The following FAM184A variants were observed in gnomAD, a reference collection of about 807,000 sequenced individuals.
The protein encoded by FAM184A is family with sequence similarity 184 member A, also known as protein FAM184A.
In FAM184A, 99 loss-of-function variants were observed where a neutral mutation model predicts 143.8. That is an observed-to-expected ratio of 0.69 (90% CI 0.58 to 0.81). The LOEUF (loss-of-function observed/expected upper bound fraction) is 0.81, where lower values mean the gene tolerates loss of function less well. FAM184A is among the 40% of genes least tolerant of loss of function. FAM184A has a pLI of 0.00. For synonymous variants in FAM184A, 427 were observed against 446.4 expected (o/e 0.96, Z 0.55); for missense variants, 1,217 against 1,310.5 (o/e 0.93, Z 1.10).
chr6:118,972,802 G>A (rs962617489), intron 14 of FAM184A, among the ~76,000 whole-genome samples: 6 of 152,112 alleles, frequency 3.9e-5, no homozygotes, highest in African/African-American at 1.4e-4. Context: ...AGCATGAAGT[G>A]GGGGATGCCA....
chr6:119,094,033 T>C (rs1788442204), intron 1 of FAM184A, among the ~76,000 whole-genome samples: 1 of 115,486 alleles, frequency 8.7e-6, no homozygotes, highest in Non-Finnish European at 1.8e-5. Flanking sequence ...CCTTCTTTCC[T>C]TTCTTCCTTC....
At chr6:119,084,733 C>T (rs1219945505) in intron 1 of FAM184A, among the ~76,000 whole-genome samples, 1 of 152,254 alleles carries the variant, frequency 6.6e-6, no homozygotes, top group South Asian at 2.1e-4. Context: ...GGCTCTGCCT[C>T]TGCAGCAGGC....
chr6:118,981,744 TATCA>T (rs1784032021), intron 9 of FAM184A, among the ~76,000 whole-genome samples: 1 of 152,180 alleles, frequency 6.6e-6, no homozygotes, highest in South Asian at 2.1e-4. Context: ...TGGACAAAGT[TATCA>T]ATCAGAGTTA....
intron 6 of FAM184A, among the ~76,000 whole-genome samples, chr6:119,010,177 A>T (rs1184035944): frequency 1.3e-5 from 2 of 152,194 alleles, no homozygotes; most frequent in African/African-American, 4.8e-5. Flanking sequence ...GTTTTTCTAT[A>T]CTTCTTCTAC....
At chr6:119,138,035 A>G (rs887654424) in intron 1 of FAM184A, among the ~76,000 whole-genome samples, 1 of 152,228 alleles carries the variant, frequency 6.6e-6, no homozygotes, top group Admixed American at 6.5e-5. Flanking sequence ...GGAAATCACT[A>G]ACTTTCAGTA....
intron 1 of FAM184A, among the ~76,000 whole-genome samples, chr6:119,053,340 C>A (rs998625859): frequency 6.6e-6 from 1 of 152,158 alleles, no homozygotes; most frequent in East Asian, 1.9e-4. Context: ...CACATACCCC[C>A]CAGACAGTGA....
At chr6:119,068,474 T>C (rs79196859) in intron 1 of FAM184A, among the ~76,000 whole-genome samples, 1 of 152,366 alleles carries the variant, frequency 6.6e-6, no homozygotes, top group East Asian at 1.9e-4. Context: ...ATAATAATTC[T>C]ATGAAGTACG....
intron 16 of FAM184A, 162 bp from the exon 17 acceptor site, chr6:118,962,125 C>T (rs1783347442): frequency 3.1e-6 from 2 of 641,572 alleles, no homozygotes; most frequent in South Asian, 1.9e-5. Context: ...TCTGGGAATC[C>T]TTGGAGGTAT....
chr6:119,034,139 T>C (rs1786020604), intron 1 of FAM184A, among the ~76,000 whole-genome samples: 1 of 126,620 alleles, frequency 7.9e-6, no homozygotes, highest in Non-Finnish European at 1.6e-5. Flanking sequence ...AAAGAAAAAA[T>C]ATTAAAATGA....
chr6:119,023,930 A>ATG (rs1785540876), intron 2 of FAM184A, 29 bp downstream of exon 2: 1 of 1,510,720 alleles, frequency 6.6e-7, no homozygotes, highest in Non-Finnish European at 8.8e-7. Context: ...AAAAAAATCC[A>ATG]TGTGTTGAAT....
intron 1 of FAM184A, among the ~76,000 whole-genome samples, chr6:119,030,969 C>T (rs978136533): frequency 3.3e-5 from 5 of 151,988 alleles, no homozygotes; most frequent in Non-Finnish European, 5.9e-5. Flanking sequence ...AATTTAACTA[C>T]GTATTTAATG....
Position 119,091,626 on chromosome 6 carries a change from T to C in FAM184A, c.-202+57452A>G, listed in dbSNP as rs947843043. On this transcript the variant is annotated intron_variant, in intron 1 of 16. Coordinates refer to the FAM184A transcript ENST00000352896. ...AGTAAATGAAGCATTCTGTAAGCTG[T>C]CAGATAATAATCCTAGAAGCTACAC... 2.6e-5 allele frequency among the ~76,000 whole-genome samples: 4 copies of C among 152,164 alleles called. No homozygotes were observed. In the South Asian group the frequency reaches 6.2e-4, roughly 24 times the overall value.
At position 119,073,544 on chromosome 6, in the gene FAM184A, C is replaced by T. The variant is rs1007565248; in HGVS notation, c.159+4597G>A. On this transcript the variant is annotated intron_variant, in intron 1 of 17. Transcript: ENST00000338891. ...GAGATGTGTTACTTTCCACCCCCAC[C>T]ACTAGTGAGGTGGTGCTTCAAGAAG... is the stretch of plus-strand genomic sequence containing the variant. 3.7e-4 allele frequency among the ~76,000 whole-genome samples: 57 copies of T among 152,138 alleles called. 1 individual carries two copies.
chr6:118,980,198 T>C lies in FAM184A; in HGVS notation c.2241A>G (p.Leu747=), dbSNP rs1478016941. Reference sequence around the variant, plus strand: ...GAAATGCAAGGACATGTGCTTCTTTTAATGATTTGTGTCTTTGCTGATGTT... The same window carrying C: ...GAAATGCAAGGACATGTGCTTCTTTCAATGATTTGTGTCTTTGCTGATGTT... The part of the protein sequence containing the change: ...EEQHQQRHKS[L]KEAHVLAFQT... The change falls in exon 10 of 18, where the codon TTA becomes TTG. Residue 747 remains leucine, a synonymous_variant. Coordinates refer to ENST00000338891, the MANE Select transcript of FAM184A (RefSeq NM_024581.6). 1 of 1,614,220 alleles carries C rather than the reference T, an allele frequency of 6.2e-7. No individual in the cohort carries two copies. The highest frequency in any genetic ancestry group is 1.1e-5 in the South Asian group (1 of 91,086).
chr6:119,000,379 G>A (rs1784711840), intron 9 of FAM184A, among the ~76,000 whole-genome samples: 1 of 152,158 alleles, frequency 6.6e-6, no homozygotes, highest in Non-Finnish European at 1.5e-5. Flanking sequence ...GGACTAAAGT[G>A]TAATCATTGG....
intron 1 of FAM184A, among the ~76,000 whole-genome samples, chr6:119,041,425 A>T (rs1490965050): frequency 6.6e-6 from 1 of 152,220 alleles, no homozygotes; most frequent in African/African-American, 2.4e-5. Context: ...AGCGCTCACT[A>T]AAATGCTAAT....
intron 1 of FAM184A, among the ~76,000 whole-genome samples, chr6:119,140,035 G>A (rs1048952554): frequency 1.3e-5 from 2 of 152,246 alleles, no homozygotes; most frequent in African/African-American, 4.8e-5. Flanking sequence ...CTGAGTGAGA[G>A]GGCTTAAGGA....
chr6:119,106,876 G>C (rs9489592), intron 1 of FAM184A, among the ~76,000 whole-genome samples: 6 of 151,968 alleles, frequency 3.9e-5, no homozygotes, highest in Non-Finnish European at 8.8e-5. Flanking sequence ...GGTAAGTTAC[G>C]GTGAATGGGA....
intron 3 of FAM184A, among the ~76,000 whole-genome samples, chr6:119,021,588 G>A (rs1785450244): frequency 6.6e-6 from 1 of 152,190 alleles, no homozygotes; most frequent in Non-Finnish European, 1.5e-5. Flanking sequence ...GCTAAGGCAA[G>A]AGGATTACTT....
Sources: gnomAD v4.1 joint callset for allele counts (sites outside exome capture counted in the v4.1 genomes callset) on GRCh38, gnomAD v4.1.1 for gene constraint, MANE v1.5 for transcripts, NCBI Gene and HGNC (gene_info 2026-07-23, HGNC 2026-07-21) for gene names.